SPACDR: variants seen among roughly 807,000 people sequenced by gnomAD.
SPACDR encodes the protein sperm acrosome developmental regulator.
At chr7:100,464,085 T>TGGGGGG in the SPACDR span, 5 of 73,994 alleles carry the variant, frequency 6.8e-5, no homozygotes, top group Non-Finnish European at 7.5e-5. Flanking sequence ...ACGGTGGGGG[T>TGGGGGG]GGCGGGTGGG....
At chr7:100,458,340 A>G in the SPACDR span, among the ~76,000 whole-genome samples, 3 of 152,012 alleles carry the variant, frequency 2.0e-5, no homozygotes, top group Non-Finnish European at 4.4e-5. Context: ...AAAAAACAAA[A>G]ACATAAAAAC....
the SPACDR span, among the ~76,000 whole-genome samples, chr7:100,459,903 T>C: frequency 1.3e-5 from 2 of 151,968 alleles, no homozygotes; most frequent in African/African-American, 4.8e-5. Flanking sequence ...ATTTTTTTTT[T>C]TTTTTAGATG....
the SPACDR span, chr7:100,463,332 AAG>A: frequency 6.6e-7 from 1 of 1,516,226 alleles, no homozygotes; most frequent in Non-Finnish European, 8.9e-7. Flanking sequence ...GGGCTGGGGA[AAG>A]AGGGAGGGGG....
chr7:100,458,045 A>G, the SPACDR span, among the ~76,000 whole-genome samples: 1 of 151,388 alleles, frequency 6.6e-6, no homozygotes, highest in Non-Finnish European at 1.5e-5. Flanking sequence ...CTGCAATTGG[A>G]AGAAATCATA....
chr7:100,461,292 C>T, the SPACDR span, among the ~76,000 whole-genome samples: 7 of 152,046 alleles, frequency 4.6e-5, no homozygotes, highest in East Asian at 3.9e-4. Flanking sequence ...TTCACCATGT[C>T]GGCCAGGCTG....
the SPACDR span, among the ~76,000 whole-genome samples, chr7:100,457,841 G>GTGTGTGTGTGTGTGTGTATATA: frequency 1.2e-5 from 1 of 85,078 alleles, no homozygotes; most frequent in East Asian, 4.0e-4. Flanking sequence ...GTGTGTGTGT[G>GTGTGTGTGTGTGTGTGTATATA]TATATATATA....
chr7:100,457,797 ATATATATGTGTGTGTGTG>A, the SPACDR span, among the ~76,000 whole-genome samples: 1 of 22,046 alleles, frequency 4.5e-5, no homozygotes, highest in African/African-American at 1.6e-4. Context: ...ACTTTTATAT[ATATATATGTGTGTGTGTG>A]TGTGTGTGTG....
the SPACDR span, chr7:100,463,666 T>C: frequency 6.2e-7 from 1 of 1,613,476 alleles, no homozygotes; most frequent in Non-Finnish European, 8.5e-7. Context: ...TTGGTTTAAT[T>C]TTTTGCCTCC....
chr7:100,461,996 A>G, the SPACDR span, among the ~76,000 whole-genome samples: 1 of 151,006 alleles, frequency 6.6e-6, no homozygotes, highest in East Asian at 2.0e-4. Flanking sequence ...CAAAAAAAAA[A>G]AAAAAAAAAG....
At chr7:100,463,254 G>A in the SPACDR span, 209 of 903,966 alleles carry the variant, frequency 2.3e-4, 2 homozygotes, top group Non-Finnish European at 3.7e-5. Flanking sequence ...GATTACAGGC[G>A]TGAGTCACTG....
chr7:100,458,587 T>A, the SPACDR span, among the ~76,000 whole-genome samples: 1 of 152,156 alleles, frequency 6.6e-6, no homozygotes, highest in Non-Finnish European at 1.5e-5. Flanking sequence ...ATAAACGGAA[T>A]CATTCAGAAT....
the SPACDR span, among the ~76,000 whole-genome samples, chr7:100,460,766 C>A: frequency 6.6e-6 from 1 of 151,794 alleles, no homozygotes; most frequent in Non-Finnish European, 1.5e-5. Context: ...ACCTTAGCCT[C>A]CCAAGTAGCT....
the SPACDR span, chr7:100,463,677 A>T: frequency 6.2e-7 from 1 of 1,613,756 alleles, no homozygotes; most frequent in Non-Finnish European, 8.5e-7. Context: ...TTTTGCCTCC[A>T]GAAGAAAACC....
chr7:100,458,686 G>T, the SPACDR span, among the ~76,000 whole-genome samples: 2 of 152,200 alleles, frequency 1.3e-5, no homozygotes, highest in African/African-American at 4.8e-5. Context: ...AGCACTTTGG[G>T]AGGCCAAGGT....
the SPACDR span, among the ~76,000 whole-genome samples, chr7:100,458,521 G>A: frequency 1.4e-4 from 21 of 152,220 alleles, no homozygotes; most frequent in African/African-American, 4.3e-4. Context: ...AAACCACTGA[G>A]CCACTAATAT....
the SPACDR span, chr7:100,457,013 C>G: frequency 5.2e-6 from 8 of 1,550,662 alleles, no homozygotes; most frequent in Non-Finnish European, 7.0e-6. Context: ...GATGTGCATG[C>G]GTAAATAGCT....
the SPACDR span, among the ~76,000 whole-genome samples, chr7:100,461,858 T>C: frequency 2.0e-5 from 3 of 151,428 alleles, no homozygotes; most frequent in Admixed American, 2.0e-4. Context: ...CTGGGCGTGG[T>C]GGCGGGTGCC....
chr7:100,458,833 A>T, the SPACDR span, among the ~76,000 whole-genome samples: 3 of 151,506 alleles, frequency 2.0e-5, no homozygotes. Context: ...AGGCTGAGGC[A>T]GGAGAATAGC....
chr7:100,458,926 T>TCAAAA, the SPACDR span, among the ~76,000 whole-genome samples: 1 of 150,750 alleles, frequency 6.6e-6, no homozygotes, highest in Non-Finnish European at 1.5e-5. Context: ...AAACTCCGTC[T>TCAAAA]CAAAACAAAA....
Sources: gnomAD v4.1 joint callset for allele counts (sites outside exome capture counted in the v4.1 genomes callset) on GRCh38, gnomAD v4.1.1 for gene constraint, MANE v1.5 for transcripts, NCBI Gene and HGNC (gene_info 2026-07-23, HGNC 2026-07-21) for gene names.